The following CABP4 variants were observed in gnomAD, a reference collection of about 807,000 sequenced individuals.
The protein encoded by CABP4 is calcium binding protein 4, also known as calcium-binding protein 4.
In CABP4, 30 loss-of-function variants were observed where a neutral mutation model predicts 30.7. The observed-to-expected ratio is 0.98, with a 90% CI of 0.73 to 1.33. The LOEUF is 1.33. CABP4 is among the 40% of genes most tolerant of loss of function. The pLI, the probability that CABP4 is intolerant of heterozygous loss-of-function variation, is 0.00. For missense variants in CABP4, 424 were observed against 395.5 expected, an observed-to-expected ratio of 1.07 and a Z score of -0.61; for synonymous variants, 161 against 159.2, an observed-to-expected ratio of 1.01 and a Z score of -0.08.
upstream of CABP4, chr11:67,453,401 T>G (rs1434783136): frequency 6.6e-6 from 1 of 152,242 alleles, no homozygotes; most frequent in Non-Finnish European, 1.5e-5. Context: ...AGTAAAGTAT[T>G]CTAAGGCCGG....
chr11:67,452,691 T>G, upstream of CABP4: 1 of 1,590,828 alleles, frequency 6.3e-7, no homozygotes, highest in East Asian at 2.2e-5. Flanking sequence ...CTGTGGCCAG[T>G]GGCACCCAGG....
chr11:67,456,654 G>A (rs1381924843), intron 3 of CABP4, among the ~76,000 whole-genome samples: 1 of 152,234 alleles, frequency 6.6e-6, no homozygotes, highest in Non-Finnish European at 1.5e-5. Flanking sequence ...AGAGCCCCTT[G>A]GGGCTCAGGT....
chr11:67,456,498 G>A, intron 3 of CABP4, 56 bp downstream of exon 3: 2 of 1,594,620 alleles, frequency 1.3e-6, no homozygotes, highest in Non-Finnish European at 8.5e-7. Context: ...GGGTCACGAG[G>A]GGCTGGCAGG....
upstream of CABP4, chr11:67,453,768 AAC>A (rs1864658078): frequency 6.6e-6 from 1 of 151,862 alleles, no homozygotes; most frequent in African/African-American, 2.4e-5. Flanking sequence ...GGTTCCAGGG[AAC>A]ACAGTTTGAA....
At chr11:67,454,103 C>G (rs1864670210), upstream of CABP4, among the ~76,000 whole-genome samples, 1 of 152,160 alleles carries the variant, frequency 6.6e-6, no homozygotes, top group African/African-American at 2.4e-5. Flanking sequence ...TGTTTGTCTC[C>G]TGGAGCTGCT....
upstream of CABP4, among the ~76,000 whole-genome samples, chr11:67,454,880 A>C (rs183207818): frequency 6.6e-6 from 1 of 152,018 alleles, no homozygotes; most frequent in Admixed American, 6.5e-5. Context: ...CCTCCATTTC[A>C]CACACCCTCT....
rs758334265 is a variant in CABP4 at position 67,456,339 on chromosome 11, C to T, written c.438C>T (p.Asp146=). The change falls in exon 3 of 6, where the codon GAC becomes GAT. Residue 146 remains aspartate (D), a synonymous_variant. Transcript: ENST00000325656. Reference sequence around the variant, plus strand: ...TCGAGGAGTTTGACACTGACCGTGACGGCTACATCAGCCACCGGGAGCTGG... The same window carrying T: ...TCGAGGAGTTTGACACTGACCGTGATGGCTACATCAGCCACCGGGAGCTGG... ...AAFEEFDTDR[D]GYISHRELGD... is the part of the protein sequence containing the mutation. 2.2e-5 allele frequency: 35 copies of T among 1,613,796 alleles called. No homozygotes were observed. The highest frequency in any genetic ancestry group is 3.3e-5 in the Admixed American group (2 of 60,026).
At chr11:67,457,853 AG>A (rs1864876455) in intron 4 of CABP4, among the ~76,000 whole-genome samples, 171 bp downstream of exon 4, 1 of 152,194 alleles carries the variant, frequency 6.6e-6, no homozygotes, top group South Asian at 2.1e-4. Context: ...GGATCCGTCC[AG>A]GGGGACTTCC....
chr11:67,457,693 T>C lies in CABP4; in HGVS notation c.651+11T>C, dbSNP rs1355116742. 2 of 1,566,482 alleles carry C rather than the reference T, an allele frequency of 1.3e-6. No individual in the cohort carries two copies. Among genetic ancestry groups the C allele is most frequent in the Admixed American group, 1.9e-5 (1 of 52,838 alleles). ...ATCGCCTTCCGAGAGGTGCGGAGTG[T>C]GGTGAGGTGGGCAGAGGGGGGCAGG... On this transcript the variant is annotated intron_variant, in intron 4 of 5. Coordinates refer to ENST00000325656, the MANE Select transcript of CABP4 (RefSeq NM_145200.5).
chr11:67,458,874 C>A lies in CABP4; in HGVS notation c.*215C>A. 1 of 640,500 alleles carries A rather than the reference C, an allele frequency of 1.6e-6. No individual in the cohort carries two copies. The highest frequency in any genetic ancestry group is 2.3e-5 in the Admixed American group (1 of 43,974). The allele number at this position is 640,500 out of a possible 1,614,324, so 39.7% of individuals were successfully genotyped here. On this transcript the variant is annotated 3_prime_UTR_variant, in exon 6 of 6. Coordinates refer to ENST00000325656, the MANE Select transcript of CABP4 (RefSeq NM_145200.5). ...TCCTACTCAAGCTGCCTGGAGAAGA[C>A]CTGCTCTCAGCTGCCCACCGTTCCT...
rs1382361265 is a variant in CABP4, at chr11:67,455,560, G to C, written c.137G>C (p.Arg46Thr). Residue 46 changes from arginine to threonine, a missense_variant, in exon 1 of 6, where the codon AGG (arginine) becomes ACG (threonine). By Grantham distance (71) the Arg-to-Thr change is moderately conservative. Coordinates refer to ENST00000325656, the MANE Select transcript of CABP4 (RefSeq NM_145200.5). ...PLTRKRSKKE[R>T]GLRGSRKRTG... ...ACCAGGAAGAGGAGCAAGAAGGAGA[G>C]GGGGCTCCGAGGGTCTCGAAAGCGC... is the stretch of plus-strand genomic sequence containing the variant. The C allele has an allele frequency of 6.2e-7, 1 of 1,602,608 alleles. No homozygotes were observed. The highest frequency in any genetic ancestry group is 8.5e-7 in the Non-Finnish European group (1 of 1,175,910).
chr11:67,460,567 G>T lies in CABP4; in HGVS notation c.*1908G>T, dbSNP rs1864981909. Among the ~76,000 whole-genome samples the T allele has an allele frequency of 1.3e-5, 2 of 151,354 alleles. No individual in the cohort carries two copies. Among genetic ancestry groups the T allele is most frequent in the Admixed American group, 6.6e-5 (1 of 15,128 alleles). ...CAGCCATTGGAATGAAAAAATAATG[G>T]ATAAGCTAAACAGCAGATTAAACAC... On this transcript the variant is annotated 3_prime_UTR_variant, in exon 6 of 6. Coordinates refer to ENST00000325656, the MANE Select transcript of CABP4 (RefSeq NM_145200.5).
rs3835327 is a variant in CABP4, at chr11:67,459,039, A to ATT, written c.*393_*394dup. ...ACCCCTTCCACTACTTATGTTTATA[A>ATT]TTTTTTTTTTTTTTAATGAACTTGA... On this transcript the variant is annotated 3_prime_UTR_variant, in exon 6 of 6. Coordinates refer to ENST00000325656, the MANE Select transcript of CABP4 (RefSeq NM_145200.5). 161 of 229,762 alleles carry ATT rather than the reference A, an allele frequency of 7.0e-4. No individual in the cohort carries two copies. Among genetic ancestry groups the ATT allele is most frequent in the Middle Eastern group, 1.7e-3 (1 of 598 alleles). 14.2% of individuals were successfully genotyped at this position (229,762 alleles called of 1,614,324 possible). A position where few individuals can be genotyped will look rare whatever the true frequency, so the allele number is the denominator to read the frequency against.
rs775087763 is a variant in CABP4 at position 67,457,582 on chromosome 11, G to A, written c.551G>A (p.Arg184His). 1.3e-5 allele frequency: 20 copies of A among 1,590,034 alleles called. No homozygotes were observed. The highest frequency in any genetic ancestry group is 9.2e-5 in the South Asian group (8 of 87,310). Reference protein sequence around the residue: ...SQHIKMRMGGRVDFEEFVELI... With the variant: ...SQHIKMRMGGHVDFEEFVELI... ...CTTCCTGGGTCTGCAGTGGGCGGCC[G>A]TGTGGACTTTGAGGAGTTTGTAGAA... The change falls in exon 4 of 6, where the codon CGT becomes CAT. Residue 184 changes from arginine (R) to histidine (H), a missense_variant. Transcript: ENST00000325656.
upstream of CABP4, among the ~76,000 whole-genome samples, chr11:67,454,091 CCT>C (rs1165615385): frequency 6.6e-6 from 1 of 152,176 alleles, no homozygotes; most frequent in Non-Finnish European, 1.5e-5. Context: ...GGAGGTGACC[CCT>C]GTTTGTCTCC....
upstream of CABP4, chr11:67,455,345 T>G: frequency 6.6e-7 from 1 of 1,515,584 alleles, no homozygotes; most frequent in South Asian, 1.3e-5. Flanking sequence ...AGAGTGGGGG[T>G]GCATAAGCAG....
chr11:67,461,208 T>A lies in CABP4; in HGVS notation c.*2549T>A, dbSNP rs1318162068. ...TATTCAGGAGGCTGAGGTGAGAGGA[T>A]CATTTGAGCCCAGGAGTTGGAGGCT... On this transcript the variant is annotated 3_prime_UTR_variant, in exon 6 of 6. Coordinates refer to ENST00000325656, the MANE Select transcript of CABP4 (RefSeq NM_145200.5). Among the ~76,000 whole-genome samples, 1 of 151,952 alleles carries A rather than the reference T, an allele frequency of 6.6e-6. No homozygotes were observed. Among genetic ancestry groups the A allele is most frequent in the Non-Finnish European group, 1.5e-5 (1 of 68,000 alleles).
At chr11:67,457,109 C>T (rs1053745349) in intron 3 of CABP4, among the ~76,000 whole-genome samples, 1 of 152,158 alleles carries the variant, frequency 6.6e-6, no homozygotes, top group East Asian at 1.9e-4. Flanking sequence ...ACCATGAGTG[C>T]TTTGAGTGAC....
rs980200763 is a variant in CABP4 at position 67,460,643 on chromosome 11, G to A, written c.*1984G>A. 3.3e-5 allele frequency among the ~76,000 whole-genome samples: 5 copies of A among 151,978 alleles called. No homozygotes were observed. The highest frequency in any genetic ancestry group is 2.0e-4 in the Admixed American group (3 of 15,240). Reference sequence around the variant, plus strand: ...CTATATCTAAGAAATCACTTATAATGTAACACTGAGAGACAAAAGGATGGA... The same window carrying A: ...CTATATCTAAGAAATCACTTATAATATAACACTGAGAGACAAAAGGATGGA... On this transcript the variant is annotated 3_prime_UTR_variant, in exon 6 of 6. Transcript: ENST00000325656.
Sources: gnomAD v4.1 joint callset for allele counts (sites outside exome capture counted in the v4.1 genomes callset) on GRCh38, gnomAD v4.1.1 for gene constraint, MANE v1.5 for transcripts, NCBI Gene and HGNC (gene_info 2026-07-23, HGNC 2026-07-21) for gene names.